The following MEI4 variants were observed in gnomAD, a reference collection of about 807,000 sequenced individuals.
The protein encoded by MEI4 is meiosis-specific protein MEI4.
A neutral mutation model predicts 31.4 loss-of-function variants in MEI4; 27 were observed. The ratio of observed to expected loss-of-function variants is 0.86; its 90% CI spans 0.63 to 1.19. The LOEUF (loss-of-function observed/expected upper bound fraction) is 1.19, where lower values mean the gene tolerates loss of function less well. Ranked by LOEUF, MEI4 falls within the 50% of genes most tolerant of loss-of-function variation. The pLI is 0.00. For missense variants in MEI4, 329 were observed against 398.9 expected (o/e 0.82, Z 1.49); for synonymous variants, 122 against 145.4 (o/e 0.84, Z 1.16).
intron 3 of MEI4, among the ~76,000 whole-genome samples, chr6:77,762,684 A>G (rs923242292): frequency 6.6e-6 from 1 of 152,196 alleles, no homozygotes; most frequent in Non-Finnish European, 1.5e-5. Context: ...TTGCACTGAT[A>G]AACCAATTTG....
intron 4 of MEI4, among the ~76,000 whole-genome samples, chr6:77,854,227 TA>T (rs1437112296): frequency 6.6e-6 from 1 of 152,056 alleles, no homozygotes; most frequent in Non-Finnish European, 1.5e-5. Context: ...AAATAATAGA[TA>T]TTATTATTTA....
intron 4 of MEI4, 62 bp from the exon 5 acceptor site, chr6:77,923,027 A>G (rs1204247643): frequency 9.9e-7 from 1 of 1,013,160 alleles, no homozygotes; most frequent in African/African-American, 1.7e-5. Context: ...ATATCTTTAT[A>G]TGACATTTTT....
Position 77,924,005 on chromosome 6 carries a change from GTTAA to G in MEI4, c.*664_*667del, listed in dbSNP as rs1478836850. On this transcript the variant is annotated 3_prime_UTR_variant, in exon 5 of 5. Transcript: ENST00000684080. ...TTCAACAAATACTTGTTTCAATTCT[GTTAA>G]TTAAATATGTTATAATAGTCTTGTA... 7.3e-5 allele frequency: 11 copies of G among 151,402 alleles called. No homozygotes were observed. The highest frequency in any genetic ancestry group is 2.1e-4 in the South Asian group (1 of 4,794). The allele number at this position is 151,402 out of a possible 1,614,324, so 9.4% of individuals were successfully genotyped here. A position where few individuals can be genotyped will look rare whatever the true frequency, so the allele number is the denominator to read the frequency against.
intron 4 of MEI4, among the ~76,000 whole-genome samples, chr6:77,851,165 A>C (rs2127718272): frequency 6.6e-6 from 1 of 152,236 alleles, no homozygotes; most frequent in Admixed American, 6.5e-5. Context: ...GTGGAGAAAT[A>C]GGAACACTTT....
intron 4 of MEI4, among the ~76,000 whole-genome samples, chr6:77,867,895 T>C (rs1223219235): frequency 6.6e-6 from 1 of 152,046 alleles, no homozygotes; most frequent in African/African-American, 2.4e-5. Context: ...CCATAAAAAA[T>C]GATGAGTTCA....
At chr6:77,733,661 T>C (rs1767084803) in intron 2 of MEI4, among the ~76,000 whole-genome samples, 1 of 151,948 alleles carries the variant, frequency 6.6e-6, no homozygotes, top group East Asian at 1.9e-4. Flanking sequence ...ATTTCTTGCC[T>C]TCTGCTAGCT....
In MEI4 at chr6:77,926,706, C is replaced by T. The variant is rs1766851694; in HGVS notation, c.*3360C>T. On this transcript the variant is annotated 3_prime_UTR_variant, in exon 5 of 5. Transcript: ENST00000684080. ...TCATTTATTCATCAAATATGAAGCA[C>T]CAATTGTCTACAAACCAATTATTTG... is the stretch of plus-strand genomic sequence containing the variant. 5.9e-5 allele frequency: 9 copies of T among 151,964 alleles called. No individual in the cohort carries two copies. Among genetic ancestry groups the T allele is most frequent in the Admixed American group, 5.9e-4 (9 of 15,202 alleles). 9.4% of individuals were successfully genotyped at this position (151,964 alleles called of 1,614,324 possible). A position where few individuals can be genotyped will look rare whatever the true frequency, so the allele number is the denominator to read the frequency against.
intron 3 of MEI4, among the ~76,000 whole-genome samples, chr6:77,800,269 A>G (rs1008653229): frequency 2.2e-4 from 34 of 151,922 alleles, no homozygotes; most frequent in Non-Finnish European, 4.3e-4. Flanking sequence ...TGTGAATGGG[A>G]GTTCACTCAT....
chr6:77,873,832 GT>G (rs1407467000), intron 4 of MEI4, among the ~76,000 whole-genome samples: 1 of 152,184 alleles, frequency 6.6e-6, no homozygotes, highest in African/African-American at 2.4e-5. Context: ...TGGCTAGCCA[GT>G]TTTCCCAGCA....
intron 3 of MEI4, among the ~76,000 whole-genome samples, chr6:77,769,267 G>A (rs1209694855): frequency 1.3e-5 from 2 of 152,158 alleles, no homozygotes; most frequent in Non-Finnish European, 2.9e-5. Flanking sequence ...GGAAGCAACA[G>A]GGGGCAGAAC....
At chr6:77,853,256 C>G in intron 4 of MEI4, among the ~76,000 whole-genome samples, 1 of 152,062 alleles carries the variant, frequency 6.6e-6, no homozygotes, top group South Asian at 2.1e-4. Context: ...TTTTCTAATA[C>G]CTAGAGCATT....
At chr6:77,858,964 T>G (rs1476518419) in intron 4 of MEI4, among the ~76,000 whole-genome samples, 1 of 151,392 alleles carries the variant, frequency 6.6e-6, no homozygotes, top group Non-Finnish European at 1.5e-5. Context: ...TACATAGGTA[T>G]ACGTGTGCCA....
chr6:77,888,436 C>G (rs191581073), intron 4 of MEI4, among the ~76,000 whole-genome samples: 35 of 151,490 alleles, frequency 2.3e-4, no homozygotes, highest in African/African-American at 5.6e-4. Flanking sequence ...TTTGCTCTAC[C>G]CTGAGTTTAA....
In MEI4 at chr6:77,684,043, TC is replaced by T. The variant is rs1769006503; in HGVS notation, c.-14-6614del. ...CTTTTCTCCACATCCTCATCTTTTG[TC>T]TTTTTGATAAAAGCCATTTTAACTT... On this transcript the variant is annotated intron_variant, in intron 1 of 4. Transcript: ENST00000684080. 2.0e-5 allele frequency among the ~76,000 whole-genome samples: 3 copies of T among 152,188 alleles called. No individual in the cohort carries two copies. In the South Asian group the frequency reaches 6.2e-4, roughly 31 times the overall value.
chr6:77,906,243 T>C (rs571303987), intron 4 of MEI4, among the ~76,000 whole-genome samples: 5 of 152,190 alleles, frequency 3.3e-5, no homozygotes, highest in African/African-American at 4.8e-5. Context: ...CTTTGGTTTT[T>C]AATGTTTCTT....
intron 4 of MEI4, among the ~76,000 whole-genome samples, chr6:77,842,076 A>G (rs1299377637): frequency 6.6e-6 from 1 of 152,282 alleles, no homozygotes; most frequent in East Asian, 1.9e-4. Context: ...AAAGCCATTG[A>G]CTAGTTTGAC....
At chr6:77,656,483 T>A (rs560996763) in intron 1 of MEI4, among the ~76,000 whole-genome samples, 1 of 152,288 alleles carries the variant, frequency 6.6e-6, no homozygotes, top group East Asian at 1.9e-4. Flanking sequence ...GTACTTTATG[T>A]TCTATTATTC....
intron 4 of MEI4, among the ~76,000 whole-genome samples, chr6:77,898,364 C>T (rs534572015): frequency 6.6e-6 from 1 of 152,120 alleles, no homozygotes; most frequent in Admixed American, 6.6e-5. Context: ...CTTTAAAGTA[C>T]CATGTTGAAT....
chr6:77,842,772 G>A (rs1033234193), intron 4 of MEI4, among the ~76,000 whole-genome samples: 5 of 151,952 alleles, frequency 3.3e-5, no homozygotes, highest in Non-Finnish European at 5.9e-5. Flanking sequence ...GTGTTAAGAG[G>A]ATAATAAGGG....
Sources: allele counts gnomAD v4.1 joint callset (sites outside exome capture counted in the v4.1 genomes callset), GRCh38; gene constraint gnomAD v4.1.1; transcripts MANE v1.5; gene names NCBI Gene and HGNC (gene_info 2026-07-23, HGNC 2026-07-21).